Variants in IQANK1 observed in about 807,000 individuals in gnomAD.
IQANK1 encodes the protein IQ motif and ankyrin repeat domain-containing protein 1.
A neutral mutation model predicts 22.6 loss-of-function variants in IQANK1; 30 were observed. The ratio of observed to expected loss-of-function variants is 1.33; its 90% CI spans 0.99 to 1.80. The LOEUF is 1.80. IQANK1 is among the 40% of genes most tolerant of loss of function. IQANK1 has a pLI of 0.00. For missense variants in IQANK1, 275 were observed against 235.2 expected (o/e 1.17, Z -1.11); for synonymous variants, 122 against 99.6 (o/e 1.23, Z -1.34).
chr8:143,743,134 C>G, intron 3 of IQANK1: 1 of 427,202 alleles, frequency 2.3e-6, no homozygotes, highest in South Asian at 1.6e-5. Flanking sequence ...AGGCTGACGT[C>G]GAGGAAAGCC....
At chr8:143,765,313 C>T (rs1563774977) in intron 3 of IQANK1, among the ~76,000 whole-genome samples, 1 of 151,898 alleles carries the variant, frequency 6.6e-6, no homozygotes, top group Non-Finnish European at 1.5e-5. Context: ...GCCAGGATCA[C>T]ACCACTGCAC....
At chr8:143,739,765 C>T (rs1489508668) in intron 2 of IQANK1, 94 bp from the exon 3 acceptor site, 5 of 591,108 alleles carry the variant, frequency 8.5e-6, no homozygotes, top group South Asian at 2.0e-5. Flanking sequence ...TCTGCCAGGA[C>T]GCACGGCCCT....
intron 7 of IQANK1, among the ~76,000 whole-genome samples, chr8:143,782,555 A>C (rs71520548): frequency 1.8e-3 from 281 of 152,046 alleles, no homozygotes; most frequent in Non-Finnish European, 9.4e-4. Flanking sequence ...ATCTTGGCTC[A>C]CTGCAACCTC....
intron 3 of IQANK1, among the ~76,000 whole-genome samples, chr8:143,741,213 C>T (rs1334397837): frequency 1.3e-5 from 2 of 152,230 alleles, no homozygotes; most frequent in African/African-American, 4.8e-5. Flanking sequence ...TCCTAGCCTT[C>T]CTCCAGGACA....
At chr8:143,748,807 C>CATATAAATATATAAATATTTCAT (rs1819101435) in intron 3 of IQANK1, among the ~76,000 whole-genome samples, 1 of 40,142 alleles carries the variant, frequency 2.5e-5, no homozygotes, top group Non-Finnish European at 5.6e-5. Flanking sequence ...AAATATATAT[C>CATATAAATATATAAATATTTCAT]ATATAAATAT....
At chr8:143,748,693 CA>C (rs1819092125) in intron 3 of IQANK1, among the ~76,000 whole-genome samples, 1 of 109,590 alleles carries the variant, frequency 9.1e-6, no homozygotes, top group African/African-American at 4.1e-5. Context: ...TCATATATAT[CA>C]TATATAAATA....
Position 143,772,358 on chromosome 8 carries a change from G to A in IQANK1, c.665G>A (p.Gly222Asp). The change falls in exon 7 of 14, where the codon GGC becomes GAC. Residue 222 changes from glycine to aspartate, a missense_variant and splice_region_variant. Coordinates refer to ENST00000527139, the MANE Select transcript of IQANK1 (RefSeq NM_001381874.1). ...AELGASPNSK[G>D]AFGPTPLYRA... Reference sequence around the variant, plus strand: ...TTGCTCGGGGGGCCCGTCTTGCAGGGCGCTTTCGGTCCGACGCCGCTGTAC... The same window carrying A: ...TTGCTCGGGGGGCCCGTCTTGCAGGACGCTTTCGGTCCGACGCCGCTGTAC... 1 of 399,104 alleles carries A rather than the reference G, an allele frequency of 2.5e-6. No individual in the cohort carries two copies. Among genetic ancestry groups the A allele is most frequent in the Non-Finnish European group, 4.4e-6 (1 of 226,186 alleles). The allele number at this position is 399,104 out of a possible 1,614,324, so 24.7% of individuals were successfully genotyped here. A position where few individuals can be genotyped will look rare whatever the true frequency, so the allele number is the denominator to read the frequency against.
intron 2 of IQANK1, among the ~76,000 whole-genome samples, chr8:143,737,124 T>G (rs1818761200): frequency 1.3e-5 from 2 of 152,180 alleles, no homozygotes; most frequent in Admixed American, 6.5e-5. Flanking sequence ...CCAGCCGCCC[T>G]CCTGGAATGA....
chr8:143,783,573 G>C (rs1819834829), intron 7 of IQANK1, among the ~76,000 whole-genome samples: 1 of 151,996 alleles, frequency 6.6e-6, no homozygotes. Context: ...GGAAAATTTT[G>C]TTTTACTGTA....
At chr8:143,755,734 G>C (rs553155281) in intron 3 of IQANK1, among the ~76,000 whole-genome samples, 1 of 152,292 alleles carries the variant, frequency 6.6e-6, no homozygotes, top group South Asian at 2.1e-4. Context: ...TTCATATCTA[G>C]AATCCATTCC....
intron 7 of IQANK1, among the ~76,000 whole-genome samples, chr8:143,777,499 C>A (rs199559873): frequency 1.5e-5 from 2 of 131,466 alleles, no homozygotes; most frequent in Non-Finnish European, 3.1e-5. Flanking sequence ...CCAGCCTGGG[C>A]GACAGAACAA....
chr8:143,764,761 G>T (rs1168196602), intron 3 of IQANK1, among the ~76,000 whole-genome samples: 2 of 152,114 alleles, frequency 1.3e-5, no homozygotes, highest in African/African-American at 4.8e-5. Flanking sequence ...TAACAGCAGA[G>T]ATATTTTATA....
intron 1 of IQANK1, among the ~76,000 whole-genome samples, chr8:143,734,629 C>T (rs1179427897): frequency 6.6e-6 from 1 of 151,900 alleles, no homozygotes; most frequent in African/African-American, 2.4e-5. Flanking sequence ...ATCCGCACAC[C>T]TAGGGAACCC....
At chr8:143,738,857 G>A (rs1316699901) in intron 2 of IQANK1, among the ~76,000 whole-genome samples, 4 of 152,184 alleles carry the variant, frequency 2.6e-5, no homozygotes, top group Non-Finnish European at 5.9e-5. Flanking sequence ...ATGGGAACCC[G>A]CAGCCCATGC....
intron 3 of IQANK1, among the ~76,000 whole-genome samples, chr8:143,749,327 T>C (rs1220361910): frequency 4.6e-5 from 2 of 43,486 alleles, no homozygotes; most frequent in African/African-American, 9.5e-5. Flanking sequence ...TATATAAAAA[T>C]ATATAAAATA....
At position 143,771,582 on chromosome 8, in the gene IQANK1, G is replaced by A. The variant is rs1218663274; in HGVS notation, c.270G>A (p.Arg90=). The change falls in exon 4 of 14, where the codon CGG becomes CGA. Residue 90 remains arginine (R), a synonymous_variant. Coordinates refer to ENST00000527139, the MANE Select transcript of IQANK1 (RefSeq NM_001381874.1). The surrounding 1 kb of genome is among the most constrained non-coding windows in gnomAD (Gnocchi z 6.0). The stretch of plus-strand genomic sequence containing the variant: ...TCGCCCGCCGCCGGGAGGAGCGCCG[G>A]GAGTACCTGGAGCAGATGGAGACGC... The part of the protein sequence containing the change: ...RELARRREER[R]EYLEQMETPQ... 2.5e-6 allele frequency: 1 copy of A among 398,214 alleles called. No homozygotes were observed. The highest frequency in any genetic ancestry group is 3.6e-5 in the East Asian group (1 of 28,028). The allele number at this position is 398,214 out of a possible 1,614,324, so 24.7% of individuals were successfully genotyped here.
chr8:143,767,100 T>C (rs147065566), intron 3 of IQANK1, among the ~76,000 whole-genome samples: 365 of 152,386 alleles, frequency 2.4e-3, no homozygotes, highest in African/African-American at 8.1e-3. Flanking sequence ...TCTCACCGAA[T>C]TCTTCTTTGA....
chr8:143,761,687 A>G (rs1819399842), intron 3 of IQANK1, among the ~76,000 whole-genome samples: 1 of 152,154 alleles, frequency 6.6e-6, no homozygotes, highest in African/African-American at 2.4e-5. Flanking sequence ...GCTTGAGCCC[A>G]GGGAGGTCGA....
In IQANK1 at chr8:143,776,902, T is replaced by G. The variant is rs781796665; in HGVS notation, c.789+4420T>G. On this transcript the variant is annotated intron_variant, in intron 7 of 13. Coordinates refer to ENST00000527139, the MANE Select transcript of IQANK1 (RefSeq NM_001381874.1). Reference sequence around the variant, plus strand: ...AAAAATCTCATGATTCATAGGGTATTGGGTGGAGTTCTCAGAAGGAGCTTG... The same window carrying G: ...AAAAATCTCATGATTCATAGGGTATGGGGTGGAGTTCTCAGAAGGAGCTTG... Among the ~76,000 whole-genome samples the G allele has an allele frequency of 2.0e-5, 3 of 152,168 alleles. No individual in the cohort carries two copies. The East Asian group carries it at 5.8e-4, about 29-fold the overall frequency.
Sources: allele counts gnomAD v4.1 joint callset (sites outside exome capture counted in the v4.1 genomes callset), GRCh38; gene constraint gnomAD v4.1.1; non-coding constraint Gnocchi (gnomAD v3.1); transcripts MANE v1.5; gene names NCBI Gene and HGNC (gene_info 2026-07-23, HGNC 2026-07-21).